BRD10: variants seen among roughly 807,000 people sequenced by gnomAD.
The protein encoded by BRD10 is uncharacterized bromodomain-containing protein 10.
the BRD10 span, among the ~76,000 whole-genome samples, chr9:5,946,508 T>C: frequency 6.6e-6 from 1 of 152,082 alleles, no homozygotes; most frequent in African/African-American, 2.4e-5. Flanking sequence ...ATTGTAACTA[T>C]GAAGACTTGG....
chr9:5,914,543 C>A, the BRD10 span, among the ~76,000 whole-genome samples: 1 of 150,678 alleles, frequency 6.6e-6, no homozygotes, highest in African/African-American at 2.4e-5. Context: ...CCTGCCTCAG[C>A]CTCCCGAGTA....
At chr9:5,955,147 T>TC in the BRD10 span, among the ~76,000 whole-genome samples, 2 of 151,854 alleles carry the variant, frequency 1.3e-5, no homozygotes, top group Non-Finnish European at 2.9e-5. Flanking sequence ...TTAAAAGTTT[T>TC]CCCCCAATTT....
At chr9:5,941,903 C>G in the BRD10 span, among the ~76,000 whole-genome samples, 1 of 152,092 alleles carries the variant, frequency 6.6e-6, no homozygotes, top group Admixed American at 6.6e-5. Flanking sequence ...TGCAGAGAAG[C>G]CTCCTGATGC....
At chr9:6,001,516 T>C in the BRD10 span, among the ~76,000 whole-genome samples, 1 of 152,240 alleles carries the variant, frequency 6.6e-6, no homozygotes, top group Non-Finnish European at 1.5e-5. Flanking sequence ...CTCCGTACTT[T>C]AACTTTTAAT....
At chr9:5,976,232 A>G in the BRD10 span, among the ~76,000 whole-genome samples, 3 of 151,436 alleles carry the variant, frequency 2.0e-5, no homozygotes, top group African/African-American at 7.3e-5. Context: ...TTTCAAAGCT[A>G]AAAAAAAATC....
At chr9:5,949,255 G>T in the BRD10 span, among the ~76,000 whole-genome samples, 1 of 152,034 alleles carries the variant, frequency 6.6e-6, no homozygotes, top group Non-Finnish European at 1.5e-5. Flanking sequence ...CACACTGATA[G>T]AGGAAACCAC....
chr9:5,934,429 G>A, the BRD10 span, among the ~76,000 whole-genome samples: 5,489 of 149,206 alleles, frequency 0.037, 282 homozygotes, highest in South Asian at 0.12. Flanking sequence ...TACGATGTCG[G>A]CTCATGGCAA....
the BRD10 span, among the ~76,000 whole-genome samples, chr9:5,880,093 T>C: frequency 2.0e-5 from 3 of 152,008 alleles, no homozygotes; most frequent in African/African-American, 7.2e-5. Context: ...CTAACTTTTT[T>C]TATTTTTAGT....
chr9:5,906,924 A>G, the BRD10 span: 1 of 1,597,190 alleles, frequency 6.3e-7, no homozygotes, highest in South Asian at 1.1e-5. Context: ...TGCCTTAACA[A>G]GAAGATGCCC....
chr9:5,900,196 CAG>C, the BRD10 span, among the ~76,000 whole-genome samples: 1 of 152,110 alleles, frequency 6.6e-6, no homozygotes, highest in Non-Finnish European at 1.5e-5. Flanking sequence ...TGAAAAATAA[CAG>C]AGAGTCTTAA....
At chr9:5,915,573 A>T in the BRD10 span, among the ~76,000 whole-genome samples, 1 of 152,102 alleles carries the variant, frequency 6.6e-6, no homozygotes, top group African/African-American at 2.4e-5. Flanking sequence ...TTCAAATTCA[A>T]CTGCTGTGTT....
the BRD10 span, chr9:5,923,233 G>A: frequency 6.2e-7 from 1 of 1,613,828 alleles, no homozygotes; most frequent in Non-Finnish European, 8.5e-7. Context: ...TCTTCGGTAA[G>A]TCTTTTGAAG....
At chr9:5,908,647 A>G in the BRD10 span, 397 of 1,614,054 alleles carry the variant, frequency 2.5e-4, no homozygotes, top group Admixed American at 5.5e-4. Context: ...CAGGTTCCCA[A>G]TGCTCCACCT....
chr9:5,946,226 A>T, the BRD10 span, among the ~76,000 whole-genome samples: 6 of 152,094 alleles, frequency 3.9e-5, no homozygotes, highest in African/African-American at 7.2e-5. Flanking sequence ...ATCACAGATA[A>T]TTTTTATTAA....
chr9:6,008,042 CCGG>C, the BRD10 span: 1 of 1,147,600 alleles, frequency 8.7e-7, no homozygotes, highest in Non-Finnish European at 1.1e-6. Context: ...CCCCTCCCCC[CCGG>C]CGGCGGCGCG....
At chr9:6,007,783 C>G in the BRD10 span, 1 of 1,543,614 alleles carries the variant, frequency 6.5e-7, no homozygotes, top group Non-Finnish European at 8.7e-7. Flanking sequence ...CCCGGGCACA[C>G]TCATGCCCCG....
the BRD10 span, among the ~76,000 whole-genome samples, chr9:5,935,751 G>C: frequency 1.3e-5 from 2 of 152,146 alleles, no homozygotes; most frequent in East Asian, 3.8e-4. Flanking sequence ...TTGAAAAGCA[G>C]GGACAGTATC....
At chr9:5,894,448 A>G in the BRD10 span, among the ~76,000 whole-genome samples, 1 of 152,116 alleles carries the variant, frequency 6.6e-6, no homozygotes, top group South Asian at 2.1e-4. This position sits in a 1 kb window ranked among gnomAD's most constrained non-coding sequence, Gnocchi z 4.0. Flanking sequence ...TAACAAACGG[A>G]AGGGTGAGGC....
chr9:5,985,086 G>T, the BRD10 span, among the ~76,000 whole-genome samples: 1 of 152,120 alleles, frequency 6.6e-6, no homozygotes, highest in Admixed American at 6.6e-5. Flanking sequence ...ACAGAACACA[G>T]TTCAGAAAGA....
Sources: gnomAD v4.1 joint callset for allele counts (sites outside exome capture counted in the v4.1 genomes callset) on GRCh38, gnomAD v4.1.1 for gene constraint, Gnocchi (gnomAD v3.1) non-coding constraint, MANE v1.5 for transcripts, NCBI Gene and HGNC (gene_info 2026-07-23, HGNC 2026-07-21) for gene names.